C18orf54: variants seen among roughly 807,000 people sequenced by gnomAD.
C18orf54 encodes chromosome 18 open reading frame 54, also known as lung adenoma susceptibility protein 2.
In C18orf54, 49 loss-of-function variants were observed where a neutral mutation model predicts 49.3. The ratio of observed to expected loss-of-function variants is 0.99; its 90% confidence interval spans 0.79 to 1.26. C18orf54 has a LOEUF of 1.26. C18orf54 is among the 50% of genes most tolerant of loss of function. C18orf54 has a pLI of 0.00. For missense variants in C18orf54, 687 were observed against 620.6 expected (o/e 1.11, Z -1.14); for synonymous variants, 211 against 216.6 (o/e 0.97, Z 0.23).
At chr18:54,371,599 T>A (rs1441638880) in intron 6 of C18orf54, among the ~76,000 whole-genome samples, 1 of 152,148 alleles carries the variant, frequency 6.6e-6, no homozygotes, top group Non-Finnish European at 1.5e-5. Flanking sequence ...GCATTTTACC[T>A]TTCCGCTCCA....
chr18:54,360,739 T>C lies in C18orf54; in HGVS notation c.167T>C (p.Ile56Thr), dbSNP rs774702462. ...RSASQALQAY[I>T]DDFDLGQIYP... ...GCTTCTCAAGCTCTACAGGCTTATA[T>C]TGATGATTTTGATCTAGGCCAAATA... The change falls in exon 3 of 9, where the codon ATT (isoleucine) becomes ACT (threonine). Residue 56 changes from isoleucine to threonine, a missense_variant. Physicochemically the swap from Ile to Thr is moderately conservative, Grantham distance 89 (BLOSUM62 -1). Transcript: ENST00000620105. The C allele has an allele frequency of 6.2e-7, 1 of 1,614,094 alleles. No individual in the cohort carries two copies. Among genetic ancestry groups the C allele is most frequent in the Non-Finnish European group, 8.5e-7 (1 of 1,179,936 alleles).
intron 2 of C18orf54, among the ~76,000 whole-genome samples, chr18:54,359,675 AT>A (rs1389031803): frequency 6.6e-6 from 1 of 152,242 alleles, no homozygotes; most frequent in African/African-American, 2.4e-5. Flanking sequence ...CATTCATTTA[AT>A]TTTAAAAAGA....
chr18:54,362,474 T>C, intron 4 of C18orf54, 43 bp downstream of exon 4: 1 of 1,410,004 alleles, frequency 7.1e-7, no homozygotes, highest in Non-Finnish European at 9.3e-7. Flanking sequence ...TTTTTCTTTT[T>C]TTTAAACCAA....
intron 5 of C18orf54, among the ~76,000 whole-genome samples, chr18:54,364,856 ACAT>A (rs1336130922): frequency 1.3e-5 from 2 of 152,050 alleles, no homozygotes; most frequent in Admixed American, 6.5e-5. Flanking sequence ...TTAAGAAAAA[ACAT>A]CAGCATTCTG....
At chr18:54,363,142 A>G (rs8097147) in intron 5 of C18orf54, among the ~76,000 whole-genome samples, 113,306 of 152,034 alleles carry the variant, frequency 0.75, 42,661 homozygotes, top group African/African-American at 0.86. Flanking sequence ...TTTGTTACGT[A>G]CTCATTTTGT....
At position 54,372,478 on chromosome 18, in the gene C18orf54, T is replaced by G. The variant is rs2089503270; in HGVS notation, c.1339T>G (p.Ser447Ala). The G allele has an allele frequency of 6.2e-7, 1 of 1,608,992 alleles. No individual in the cohort carries two copies. Among genetic ancestry groups the G allele is most frequent in the Non-Finnish European group, 8.5e-7 (1 of 1,177,308 alleles). The change falls in exon 7 of 9, where the codon TCT becomes GCT. Residue 447 changes from serine to alanine, a missense_variant. Ser to Ala is a moderately conservative substitution (Grantham distance 99). Coordinates refer to ENST00000620105, the MANE Select transcript of C18orf54 (RefSeq NM_001288980.2). ...LNNDNQSCTL[S>A]GGKHHGPVEA... ...GTTTTAACCTTAGAGCTGTACTCTC[T>G]CTGGAGGCAAACATCATGGTCCTGT...
chr18:54,364,065 T>C (rs962301088), intron 5 of C18orf54: 11 of 152,088 alleles, frequency 7.2e-5, no homozygotes, highest in Admixed American at 3.9e-4. Context: ...GTGATGATGA[T>C]TATCTAGAAT....
chr18:54,373,420 A>G (rs566086505), intron 7 of C18orf54, among the ~76,000 whole-genome samples: 108 of 151,970 alleles, frequency 7.1e-4, no homozygotes, highest in African/African-American at 2.5e-3. Context: ...AACCTGCTCC[A>G]TTAGTAATTT....
At position 54,364,144 on chromosome 18, in the gene C18orf54, CATA is replaced by C. The variant is rs201287428; in HGVS notation, c.1223+1224_1223+1226del. 4.8e-3 allele frequency among the ~76,000 whole-genome samples: 725 copies of C among 150,988 alleles called. 24 individuals carry two copies. In the East Asian group the frequency reaches 0.09, roughly 19 times the overall value. On this transcript the variant is annotated intron_variant, in intron 5 of 8. Coordinates refer to ENST00000620105, the MANE Select transcript of C18orf54 (RefSeq NM_001288980.2). ...ATATATATATGTTGAGATATATATA[CATA>C]TTTTTTTTAAACTTGATTTGATAAT...
chr18:54,373,478 A>G (rs2089522847), intron 7 of C18orf54, among the ~76,000 whole-genome samples: 1 of 151,852 alleles, frequency 6.6e-6, no homozygotes, highest in East Asian at 1.9e-4. Context: ...ATGTTGTACA[A>G]TAGATCTCTT....
intron 5 of C18orf54, among the ~76,000 whole-genome samples, chr18:54,365,415 G>C (rs371447958): frequency 1.5e-4 from 23 of 151,602 alleles, no homozygotes; most frequent in African/African-American, 4.3e-4. Flanking sequence ...CAAACAAGGT[G>C]AGCTTTTGGA....
rs866063682 is a variant in C18orf54, at chr18:54,366,825, A to G, written c.1326+1004A>G. On this transcript the variant is annotated intron_variant, in intron 6 of 8. Coordinates refer to ENST00000620105, the MANE Select transcript of C18orf54 (RefSeq NM_001288980.2). ...TTGCTTGAGTGTTTAATAAAAAAAA[A>G]GTCCATAATTGATAATACTAATTTA... Among the ~76,000 whole-genome samples the G allele has an allele frequency of 3.6e-4, 55 of 151,532 alleles. 1 individual carries two copies. In the Middle Eastern group the frequency reaches 0.01, roughly 28 times the overall value.
At position 54,362,397 on chromosome 18, in the gene C18orf54, A is replaced by T; in HGVS notation, c.1038A>T (p.Pro346=). 6.5e-7 allele frequency: 1 copy of T among 1,531,578 alleles called. No homozygotes were observed. The highest frequency in any genetic ancestry group is 1.7e-4 in the Middle Eastern group (1 of 5,974). 94.9% of individuals were successfully genotyped at this position (1,531,578 alleles called of 1,614,324 possible). The change falls in exon 4 of 9, where the codon CCA becomes CCT. Residue 346 remains proline (P), a synonymous_variant. Coordinates refer to ENST00000620105, the MANE Select transcript of C18orf54 (RefSeq NM_001288980.2). ...FEHSQCQCEN[P]LLPGQSTKPF... ...ATAGCCAGTGTCAATGTGAGAATCC[A>T]CTTCTCCCAGGACAATCCACAAAGC...
chr18:54,359,686 A>C (rs2089222616), intron 2 of C18orf54, among the ~76,000 whole-genome samples: 1 of 152,244 alleles, frequency 6.6e-6, no homozygotes, highest in Non-Finnish European at 1.5e-5. Context: ...TTTTAAAAAG[A>C]ATGTCATCAT....
chr18:54,361,631 T>A lies in C18orf54; in HGVS notation c.284-12T>A. The stretch of plus-strand genomic sequence containing the variant: ...TTGTATGTAATAAACAAAACTGTTC[T>A]TCGTTTTTCAGCTTTTGAAAACCTT... On this transcript the variant is annotated splice_polypyrimidine_tract_variant and intron_variant, in intron 3 of 8. Transcript: ENST00000620105. 6.4e-7 allele frequency: 1 copy of A among 1,569,084 alleles called. No individual in the cohort carries two copies. The highest frequency in any genetic ancestry group is 2.2e-5 in the East Asian group (1 of 44,448).
intron 2 of C18orf54, among the ~76,000 whole-genome samples, chr18:54,359,713 G>A (rs1039547949): frequency 1.3e-5 from 2 of 152,006 alleles, no homozygotes; most frequent in Admixed American, 6.6e-5. Flanking sequence ...AATTAGTGCC[G>A]GTTCGTTCTG....
chr18:54,370,015 A>G (rs887783587), intron 6 of C18orf54, among the ~76,000 whole-genome samples: 14 of 152,270 alleles, frequency 9.2e-5, no homozygotes, highest in African/African-American at 2.9e-4. Context: ...ATACAATAAT[A>G]AAACATAATT....
At chr18:54,369,630 G>T (rs535886355) in intron 6 of C18orf54, among the ~76,000 whole-genome samples, 1 of 151,720 alleles carries the variant, frequency 6.6e-6, no homozygotes, top group South Asian at 2.1e-4. Context: ...CACTACACCC[G>T]GCTAATTTTT....
intron 6 of C18orf54, among the ~76,000 whole-genome samples, chr18:54,369,466 C>CTTTTT (rs140753589): frequency 1.6e-4 from 14 of 89,146 alleles, no homozygotes; most frequent in East Asian, 7.4e-4. Context: ...TTGTATATTG[C>CTTTTT]TTTTTTTTTT....
Sources: gnomAD v4.1 joint callset for allele counts (sites outside exome capture counted in the v4.1 genomes callset) on GRCh38, gnomAD v4.1.1 for gene constraint, MANE v1.5 for transcripts, NCBI Gene and HGNC (gene_info 2026-07-23, HGNC 2026-07-21) for gene names.